PHLPP2: variants seen among roughly 807,000 people sequenced by gnomAD.
PHLPP2 encodes the protein PH domain and leucine rich repeat protein phosphatase 2.
In PHLPP2, 66 loss-of-function variants were observed where a neutral mutation model predicts 124.9. The ratio of observed to expected loss-of-function variants is 0.53; its 90% CI spans 0.43 to 0.65. The LOEUF (loss-of-function observed/expected upper bound fraction) is 0.65. Among genes scored for constraint, PHLPP2 ranks in the 30% least tolerant of loss-of-function variants. The pLI is 0.00. For missense variants in PHLPP2, 1,685 were observed against 1,600.4 expected, an observed-to-expected ratio of 1.05 and a Z score of -0.90; for synonymous variants, 681 against 624.7, an observed-to-expected ratio of 1.09 and a Z score of -1.34.
chr16:71,715,991 C>CAAA (rs372460382), intron 1 of PHLPP2, among the ~76,000 whole-genome samples: 1 of 98,432 alleles, frequency 1.0e-5, no homozygotes, highest in Non-Finnish European at 2.2e-5. Context: ...GACTCTGTCT[C>CAAA]AAAAAAAAAA....
intron 11 of PHLPP2, 127 bp from the exon 12 acceptor site, chr16:71,667,460 A>G: frequency 1.4e-6 from 1 of 701,294 alleles, no homozygotes; most frequent in Non-Finnish European, 2.3e-6. Context: ...TTGTATACTC[A>G]CTGACAAGTG....
intron 12 of PHLPP2, 33 bp downstream of exon 12, chr16:71,667,145 C>T (rs926103908): frequency 6.3e-7 from 1 of 1,585,978 alleles, no homozygotes. Context: ...GCCAATGATT[C>T]TGCTCTTCCG....
chr16:71,693,082 A>G (rs58324033), intron 3 of PHLPP2, among the ~76,000 whole-genome samples: 5,731 of 152,192 alleles, frequency 0.038, 358 homozygotes, highest in African/African-American at 0.13. Context: ...CGAGGTCAGA[A>G]GTTCAAGACC....
intron 4 of PHLPP2, among the ~76,000 whole-genome samples, chr16:71,687,932 T>C (rs746373159): frequency 6.6e-6 from 1 of 152,206 alleles, no homozygotes. Context: ...ATCAGTTAAT[T>C]ACATTCAGCT....
At chr16:71,696,220 C>T (rs1412367795) in intron 3 of PHLPP2, among the ~76,000 whole-genome samples, 1 of 152,086 alleles carries the variant, frequency 6.6e-6, no homozygotes, top group Non-Finnish European at 1.5e-5. Flanking sequence ...AGTATTTTTG[C>T]AATCGGGGAA....
At chr16:71,682,036 T>C (rs2045005058) in intron 5 of PHLPP2, 131 bp from the exon 6 acceptor site, 2 of 588,266 alleles carry the variant, frequency 3.4e-6, no homozygotes, top group African/African-American at 3.8e-5. Flanking sequence ...TAAGATCCAA[T>C]TATTCATTTA....
At chr16:71,713,905 C>A in intron 2 of PHLPP2, among the ~76,000 whole-genome samples, 1 of 146,954 alleles carries the variant, frequency 6.8e-6, no homozygotes, top group African/African-American at 2.5e-5. Flanking sequence ...TTAAAAATTT[C>A]ATTCTATTTA....
At position 71,646,450 on chromosome 16, in the gene PHLPP2, T is replaced by G. The variant is rs1567609226; in HGVS notation, c.*2440A>C. 6.6e-6 allele frequency: 1 copy of G among 152,194 alleles called. No homozygotes were observed. Among genetic ancestry groups the G allele is most frequent in the Non-Finnish European group, 1.5e-5 (1 of 68,036 alleles). The allele number at this position is 152,194 out of a possible 1,614,324, so 9.4% of individuals were successfully genotyped here. A position where few individuals can be genotyped will look rare whatever the true frequency, so the allele number is the denominator to read the frequency against. ...CTGACTAAAAAATAAATACATTTAC[T>G]TTTGGTAAGGTCATTTCAGAACTGG... On this transcript the variant is annotated 3_prime_UTR_variant, in exon 19 of 19. Transcript: ENST00000568954.
At chr16:71,654,664 G>A (rs146219903) in intron 17 of PHLPP2, among the ~76,000 whole-genome samples, 139 of 152,316 alleles carry the variant, frequency 9.1e-4, no homozygotes, top group African/African-American at 3.2e-3. Context: ...AAGCCATGAT[G>A]TTCGTTAGGT....
In PHLPP2 at chr16:71,684,618, G is replaced by A; in HGVS notation, c.610-17C>T. The A allele has an allele frequency of 1.3e-6, 2 of 1,593,138 alleles. No individual in the cohort carries two copies. The highest frequency in any genetic ancestry group is 1.1e-5 in the South Asian group (1 of 88,710). ...TTCTTCTATCTGAAGAAGAGGAGGG[G>A]AGAAAACCAGAACCACTAAAAAAAA... On this transcript the variant is annotated splice_polypyrimidine_tract_variant and intron_variant, in intron 4 of 18. Transcript: ENST00000568954.
chr16:71,681,957 AC>A, intron 5 of PHLPP2, 52 bp from the exon 6 acceptor site: 1 of 1,351,626 alleles, frequency 7.4e-7, no homozygotes, highest in Non-Finnish European at 9.9e-7. Context: ...GATGTCTATC[AC>A]CCAGCAAAGA....
chr16:71,667,327 C>G lies in PHLPP2; in HGVS notation c.1635G>C (p.Leu545=), dbSNP rs2044848255. ...TCAGTTTTCTAAGACTCAAGCTACT[C>G]AGAATTCTAAGGGGGGAGCATACAA... ...NLLTEVPVRI[L]SSLSLRKLML... Residue 545 remains leucine, a synonymous_variant, in exon 12 of 19, where the codon CTG becomes CTC. Coordinates refer to ENST00000568954, the MANE Select transcript of PHLPP2 (RefSeq NM_015020.3). 6.2e-6 allele frequency: 10 copies of G among 1,611,922 alleles called. No homozygotes were observed. The African/African-American group carries it at 9.3e-5, about 15-fold the overall frequency.
chr16:71,673,609 T>C (rs1255743636), intron 9 of PHLPP2, among the ~76,000 whole-genome samples: 5 of 152,226 alleles, frequency 3.3e-5, no homozygotes, highest in South Asian at 2.1e-4. Context: ...ACTGCTGTGA[T>C]AGAATCCTGG....
chr16:71,660,358 A>C (rs562204668), intron 13 of PHLPP2, among the ~76,000 whole-genome samples: 38 of 132,750 alleles, frequency 2.9e-4, no homozygotes, highest in African/African-American at 1.1e-3. Flanking sequence ...CCTGGGTGAC[A>C]CAAGACCTTG....
chr16:71,693,112 C>T (rs1436633676), intron 3 of PHLPP2, among the ~76,000 whole-genome samples: 3 of 152,094 alleles, frequency 2.0e-5, no homozygotes, highest in Admixed American at 1.3e-4. Flanking sequence ...AACATGGAAA[C>T]CCCATCTCTA....
intron 13 of PHLPP2, among the ~76,000 whole-genome samples, chr16:71,661,067 CTTTT>C (rs34708544): frequency 3.8e-5 from 5 of 132,290 alleles, no homozygotes; most frequent in East Asian, 2.4e-4. Flanking sequence ...TTGTCTTTGT[CTTTT>C]TTTTTTTTTT....
Position 71,714,627 on chromosome 16 carries a change from A to T in PHLPP2, c.169T>A (p.Ser57Thr). The T allele has an allele frequency of 6.2e-7, 1 of 1,613,906 alleles. No homozygotes were observed. Among genetic ancestry groups the T allele is most frequent in the South Asian group, 1.1e-5 (1 of 91,074 alleles). The change falls in exon 2 of 19, where the codon TCC (serine) becomes ACC (threonine). Residue 57 changes from serine to threonine, a missense_variant. By Grantham distance (58) the Ser-to-Thr change is moderately conservative. Transcript: ENST00000568954. ...TTTSSSSSSS[S>T]SSSDLHLVLC... is the part of the protein sequence containing the mutation. ...ACGAGATGTAAGTCAGAGGAAGAGG[A>T]GGAGGAGGAAGAGGAAGAGGAGGTG...
chr16:71,664,775 G>A (rs544855080), intron 12 of PHLPP2, among the ~76,000 whole-genome samples: 1 of 152,038 alleles, frequency 6.6e-6, no homozygotes, highest in Admixed American at 6.6e-5. Context: ...AAATTTTTTT[G>A]TCTGGTTTTA....
chr16:71,671,787 G>A (rs1020795789), intron 10 of PHLPP2, among the ~76,000 whole-genome samples: 19 of 151,792 alleles, frequency 1.3e-4, no homozygotes, highest in Non-Finnish European at 2.5e-4. Context: ...GGTGGTGGGC[G>A]CCTTTAGTCC....
Sources: gnomAD v4.1 joint callset for allele counts (sites outside exome capture counted in the v4.1 genomes callset) on GRCh38, gnomAD v4.1.1 for gene constraint, MANE v1.5 for transcripts, NCBI Gene and HGNC (gene_info 2026-07-23, HGNC 2026-07-21) for gene names.